KLHL32: variants seen among roughly 807,000 people sequenced by gnomAD.
The protein encoded by KLHL32 is kelch like family member 32.
In KLHL32, 35 loss-of-function variants were observed where a neutral mutation model predicts 64.8. The ratio of observed to expected loss-of-function variants is 0.54; its 90% CI spans 0.41 to 0.72. The LOEUF (loss-of-function observed/expected upper bound fraction) is 0.72, where lower values mean the gene tolerates loss of function less well. Among genes scored for constraint, KLHL32 ranks in the 30% least tolerant of loss-of-function variants. The pLI is 0.00. For synonymous variants in KLHL32, 259 were observed against 281.0 expected (o/e 0.92, Z 0.78); for missense variants, 589 against 768.5 (o/e 0.77, Z 2.76).
chr6:97,077,211 C>G (rs944408052), intron 5 of KLHL32, among the ~76,000 whole-genome samples: 8 of 152,136 alleles, frequency 5.3e-5, no homozygotes, highest in African/African-American at 1.9e-4. Context: ...CTGGGTTGTC[C>G]CGCAGAAGGG....
chr6:96,969,799 C>G (rs1299253750), intron 2 of KLHL32, among the ~76,000 whole-genome samples: 2 of 152,178 alleles, frequency 1.3e-5, no homozygotes, highest in Non-Finnish European at 2.9e-5. Context: ...GCAGATGAGT[C>G]TCAGATTTAC....
chr6:97,130,725 C>T lies in KLHL32; in HGVS notation c.1414-32C>T, dbSNP rs758155528. ...TGTTTTCTGACATGGAGGTCTCCTA[C>T]TAACAGAATACACTTAAATTTCTTT... On this transcript the variant is annotated intron_variant, in intron 8 of 10. Transcript: ENST00000369261. 1.8e-5 allele frequency: 29 copies of T among 1,574,122 alleles called. No homozygotes were observed. In the South Asian group the frequency reaches 3.3e-4, roughly 18 times the overall value.
In KLHL32 at chr6:97,114,341, A is replaced by G. The variant is rs1205920396; in HGVS notation, c.1186A>G (p.Met396Val). The G allele has an allele frequency of 1.2e-6, 2 of 1,614,092 alleles. No homozygotes were observed. The highest frequency in any genetic ancestry group is 1.3e-5 in the African/African-American group (1 of 74,940). Reference sequence around the variant, plus strand: ...CCGGGAGCATTTTGTGCTGGGTGCCATGGAGGAATACCTCTATGCAGTTGG... The same window carrying G: ...CCGGGAGCATTTTGTGCTGGGTGCCGTGGAGGAATACCTCTATGCAGTTGG... ...NCREHFVLGA[M>V]EEYLYAVGGR... Residue 396 changes from methionine (M) to valine (V), a missense_variant, in exon 7 of 11, where the codon ATG (methionine) becomes GTG (valine). By Grantham distance (21) the Met-to-Val change is conservative. This residue lies in a region of KLHL32 where 226 missense variants were observed against 353.2 expected (regional missense o/e 0.64). Coordinates refer to ENST00000369261, the MANE Select transcript of KLHL32 (RefSeq NM_052904.4).
At chr6:97,069,553 A>C (rs61479407) in intron 5 of KLHL32, among the ~76,000 whole-genome samples, 16,927 of 151,984 alleles carry the variant, frequency 0.11, 1,060 homozygotes, top group African/African-American at 0.18. Context: ...GGTTTAATGT[A>C]GTTGGAAAAT....
intron 3 of KLHL32, among the ~76,000 whole-genome samples, chr6:96,982,202 C>G (rs77866614): frequency 3.3e-5 from 5 of 151,868 alleles, no homozygotes; most frequent in Non-Finnish European, 7.4e-5. Context: ...TTTATAGGTC[C>G]CCAAGAATTC....
intron 3 of KLHL32, among the ~76,000 whole-genome samples, chr6:97,009,193 G>A (rs1176269468): frequency 4.6e-5 from 7 of 150,718 alleles, no homozygotes; most frequent in Non-Finnish European, 1.0e-4. Flanking sequence ...TACTAGTATT[G>A]GTGATGGTAT....
intron 3 of KLHL32, 117 bp downstream of exon 3, chr6:96,976,294 G>A: frequency 1.0e-6 from 1 of 954,516 alleles, no homozygotes; most frequent in East Asian, 2.8e-5. Context: ...TGAATGGTGG[G>A]GGCCTTTGTT....
intron 5 of KLHL32, among the ~76,000 whole-genome samples, chr6:97,073,213 C>G (rs1346267775): frequency 6.6e-6 from 1 of 152,142 alleles, no homozygotes; most frequent in African/African-American, 2.4e-5. Context: ...AATTGACAAC[C>G]TATTGGACAA....
chr6:96,968,689 C>T (rs1244873615), intron 2 of KLHL32, among the ~76,000 whole-genome samples: 1 of 152,200 alleles, frequency 6.6e-6, no homozygotes, highest in African/African-American at 2.4e-5. Context: ...CTCTCAGACT[C>T]TCCCACTGTG....
chr6:97,025,475 A>G (rs1782590866), intron 3 of KLHL32, among the ~76,000 whole-genome samples: 1 of 152,244 alleles, frequency 6.6e-6, no homozygotes, highest in Non-Finnish European at 1.5e-5. Context: ...GAATTAGCTA[A>G]CTTCATGTGA....
chr6:97,047,098 A>G (rs1313051178), intron 4 of KLHL32, among the ~76,000 whole-genome samples: 1 of 152,210 alleles, frequency 6.6e-6, no homozygotes, highest in African/African-American at 2.4e-5. Context: ...CCTCCTACAC[A>G]TTGCTCTAAA....
chr6:97,131,624 A>C (rs2128222092), intron 9 of KLHL32, among the ~76,000 whole-genome samples: 1 of 152,318 alleles, frequency 6.6e-6, no homozygotes, highest in Non-Finnish European at 1.5e-5. Context: ...AACATCTACA[A>C]GTGATCAGAT....
At chr6:97,025,685 C>G (rs1487005580) in intron 3 of KLHL32, among the ~76,000 whole-genome samples, 1 of 152,142 alleles carries the variant, frequency 6.6e-6, no homozygotes, top group Non-Finnish European at 1.5e-5. Flanking sequence ...GAGAGGGAGG[C>G]ACCTGAGTAG....
At chr6:97,101,862 C>T (rs1472348849) in intron 6 of KLHL32, among the ~76,000 whole-genome samples, 1 of 152,138 alleles carries the variant, frequency 6.6e-6, no homozygotes, top group Non-Finnish European at 1.5e-5. Context: ...CACTAACACA[C>T]AATGTTGTAT....
chr6:97,057,285 G>A, intron 4 of KLHL32, among the ~76,000 whole-genome samples: 1 of 97,140 alleles, frequency 1.0e-5, no homozygotes, highest in Non-Finnish European at 1.9e-5. Flanking sequence ...CCGGGTTCAC[G>A]CCATTCTCCT....
chr6:96,966,435 A>G (rs1348742278), intron 1 of KLHL32, among the ~76,000 whole-genome samples: 1 of 152,220 alleles, frequency 6.6e-6, no homozygotes, highest in Non-Finnish European at 1.5e-5. Flanking sequence ...CAATCATGCA[A>G]TATTGAAGCC....
chr6:96,928,923 G>A (rs1341210394), intron 1 of KLHL32, among the ~76,000 whole-genome samples: 1 of 152,214 alleles, frequency 6.6e-6, no homozygotes, highest in Non-Finnish European at 1.5e-5. Context: ...AAGGAAAAAT[G>A]TGGGCTGTAA....
chr6:97,072,637 C>T (rs1328234892), intron 5 of KLHL32, among the ~76,000 whole-genome samples: 1 of 151,274 alleles, frequency 6.6e-6, no homozygotes, highest in Non-Finnish European at 1.5e-5. Flanking sequence ...TGTGCATTTC[C>T]CTGTACCTAA....
At chr6:96,907,449 A>G in the KLHL32 span, among the ~76,000 whole-genome samples, 5 of 152,250 alleles carry the variant, frequency 3.3e-5, no homozygotes, top group Admixed American at 2.6e-4. Context: ...GCTGTGAATG[A>G]GAAAAAGGTA....
Sources: gnomAD v4.1 joint callset for allele counts (sites outside exome capture counted in the v4.1 genomes callset) on GRCh38, gnomAD v4.1.1 for gene constraint, gnomAD v4.1.1 regional missense constraint, MANE v1.5 for transcripts, NCBI Gene and HGNC (gene_info 2026-07-23, HGNC 2026-07-21) for gene names.